The following AGBL1 variants were observed in gnomAD, a reference collection of about 807,000 sequenced individuals.
AGBL1 encodes cytosolic carboxypeptidase 4.
A neutral mutation model predicts 118.9 loss-of-function variants in AGBL1; 130 were observed. The ratio of observed to expected loss-of-function variants is 1.09; its 90% CI spans 0.95 to 1.26. The LOEUF is 1.26. Among genes scored for constraint, AGBL1 ranks in the 50% most tolerant of loss-of-function variants. The pLI is 0.00. For missense variants in AGBL1, 1,584 were observed against 1,298.1 expected (o/e 1.22, Z -3.38); for synonymous variants, 555 against 478.9 (o/e 1.16, Z -2.08).
chr15:86,413,000 A>G (rs1477238922), intron 18 of AGBL1, among the ~76,000 whole-genome samples: 2 of 152,170 alleles, frequency 1.3e-5, no homozygotes, highest in African/African-American at 4.8e-5. Flanking sequence ...CAGAACACAG[A>G]TAGTATTTGG....
chr15:86,327,359 G>T (rs2080199302), intron 17 of AGBL1, among the ~76,000 whole-genome samples: 2 of 152,192 alleles, frequency 1.3e-5, no homozygotes, highest in South Asian at 2.1e-4. Context: ...TAATGATTTT[G>T]TTCTTGACAC....
chr15:86,991,137 G>C (rs1209240741), intron 24 of AGBL1, among the ~76,000 whole-genome samples: 1 of 152,164 alleles, frequency 6.6e-6, no homozygotes, highest in Non-Finnish European at 1.5e-5. Flanking sequence ...AGAGTGTCTA[G>C]GATTCTCGCT....
At chr15:86,453,946 C>G (rs2082229582) in intron 18 of AGBL1, among the ~76,000 whole-genome samples, 1 of 152,112 alleles carries the variant, frequency 6.6e-6, no homozygotes, top group Non-Finnish European at 1.5e-5. Context: ...CATTCTTTTC[C>G]ACCTTGGTCA....
chr15:86,704,306 A>C (rs1596386391), intron 22 of AGBL1, among the ~76,000 whole-genome samples: 1 of 152,130 alleles, frequency 6.6e-6, no homozygotes, highest in Non-Finnish European at 1.5e-5. Context: ...TTAAACTAAA[A>C]ACCTTCTGCA....
At chr15:86,926,973 A>G (rs1271405524) in intron 23 of AGBL1, among the ~76,000 whole-genome samples, 1 of 152,026 alleles carries the variant, frequency 6.6e-6, no homozygotes, top group East Asian at 2.0e-4. Flanking sequence ...ACCCGTCTCT[A>G]CTAAAAATGC....
At chr15:86,119,003 G>A (rs1897932382) in intron 1 of AGBL1, among the ~76,000 whole-genome samples, 2 of 152,132 alleles carry the variant, frequency 1.3e-5, no homozygotes, top group African/African-American at 4.8e-5. Context: ...GTCTCTGAGA[G>A]GGCACACAAG....
intron 1 of AGBL1, among the ~76,000 whole-genome samples, chr15:86,117,595 T>C (rs1479868783): frequency 6.6e-6 from 1 of 152,208 alleles, no homozygotes; most frequent in African/African-American, 2.4e-5. Flanking sequence ...GTGTTTTTAG[T>C]GCATATCAAG....
At chr15:86,866,079 T>A (rs2079624677) in intron 22 of AGBL1, among the ~76,000 whole-genome samples, 2 of 152,204 alleles carry the variant, frequency 1.3e-5, no homozygotes, top group Admixed American at 1.3e-4. Context: ...TCATCTACTC[T>A]GCCATTCTTT....
intron 22 of AGBL1, among the ~76,000 whole-genome samples, chr15:86,895,544 T>G (rs1282467512): frequency 6.6e-6 from 1 of 152,140 alleles, no homozygotes; most frequent in African/African-American, 2.4e-5. Context: ...ATAAAGGGAT[T>G]TTTTGAGTAT....
intron 22 of AGBL1, among the ~76,000 whole-genome samples, chr15:86,840,735 C>T (rs905382666): frequency 3.4e-4 from 52 of 152,122 alleles, no homozygotes; most frequent in African/African-American, 1.2e-3. Context: ...CCACCACACC[C>T]GTCGCAAATG....
intron 22 of AGBL1, among the ~76,000 whole-genome samples, chr15:86,901,104 A>G (rs1286895128): frequency 6.6e-6 from 1 of 152,124 alleles, no homozygotes; most frequent in East Asian, 1.9e-4. Context: ...GGTTATAAGA[A>G]TTCTTTAAAT....
chr15:86,226,234 C>T (rs552733097), intron 6 of AGBL1, among the ~76,000 whole-genome samples: 3 of 152,210 alleles, frequency 2.0e-5, no homozygotes, highest in South Asian at 2.1e-4. Context: ...TTTGGCATCT[C>T]GGTTCTCATT....
intron 18 of AGBL1, among the ~76,000 whole-genome samples, chr15:86,425,553 A>G (rs911120106): frequency 3.9e-5 from 6 of 152,180 alleles, no homozygotes; most frequent in African/African-American, 1.4e-4. Context: ...AAAACCCAGC[A>G]AAATTCCAGA....
chr15:87,028,810 CT>C, intron 24 of AGBL1: 1 of 1,603,512 alleles, frequency 6.2e-7, no homozygotes, highest in Non-Finnish European at 8.5e-7. Flanking sequence ...TAATATATTT[CT>C]TATTCCTTCT....
chr15:86,698,948 A>C (rs28680588), intron 22 of AGBL1, among the ~76,000 whole-genome samples: 4,198 of 152,160 alleles, frequency 0.028, 199 homozygotes, highest in African/African-American at 0.095. Context: ...GATTCCTCTT[A>C]GTAAGATGAG....
chr15:86,143,037 T>C (rs887763958), intron 2 of AGBL1, among the ~76,000 whole-genome samples: 5 of 152,238 alleles, frequency 3.3e-5, no homozygotes, highest in Non-Finnish European at 7.3e-5. Flanking sequence ...CAAGTTGTAA[T>C]GAAATCGTTG....
rs373237238 is a variant in AGBL1, at chr15:86,693,490, T to C, written c.3158+19054T>C. 4.6e-5 allele frequency among the ~76,000 whole-genome samples: 7 copies of C among 152,252 alleles called. No individual in the cohort carries two copies. The East Asian group carries it at 1.4e-3, about 29-fold the overall frequency. The stretch of plus-strand genomic sequence containing the variant: ...GCTAATTTTTTGAGTTCCTTGTAGA[T>C]TCTGGATATTAGTCCTTTGTTGGAT... On this transcript the variant is annotated intron_variant, in intron 22 of 22. Coordinates refer to ENST00000614907, the MANE Select transcript of AGBL1 (RefSeq NM_001386094.1).
chr15:86,507,199 G>A (rs12439060), intron 18 of AGBL1, among the ~76,000 whole-genome samples: 66,783 of 151,900 alleles, frequency 0.44, 15,594 homozygotes, highest in East Asian at 0.68. Context: ...TTAATGCCAT[G>A]TATTTGAAGG....
rs76034398 is a variant in AGBL1 at position 86,586,037 on chromosome 15, G to A, written c.2994+31500G>A. On this transcript the variant is annotated intron_variant, in intron 21 of 22. Transcript: ENST00000614907. ...AGACACACAGGCATGCTGCCTGTCG[G>A]CATGCCTCTGCACCGAATAGAACCA... Among the ~76,000 whole-genome samples the A allele has an allele frequency of 5.5e-3, 842 of 152,290 alleles. 10 individuals carry two copies. Among genetic ancestry groups the A allele is most frequent in the African/African-American group, 0.019 (797 of 41,566 alleles).
Sources: gnomAD v4.1 joint callset for allele counts (sites outside exome capture counted in the v4.1 genomes callset) on GRCh38, gnomAD v4.1.1 for gene constraint, MANE v1.5 for transcripts, NCBI Gene and HGNC (gene_info 2026-07-23, HGNC 2026-07-21) for gene names.